ANKS6: variants seen among roughly 807,000 people sequenced by gnomAD.
The protein encoded by ANKS6 is ankyrin repeat and SAM domain-containing protein 6.
Under a neutral mutation model 77.9 loss-of-function variants are expected in ANKS6, and 47 were observed. That is an observed-to-expected ratio of 0.60 (90% CI 0.48 to 0.77). The LOEUF (loss-of-function observed/expected upper bound fraction) is 0.77. ANKS6 is among the 30% of genes least tolerant of loss of function. The pLI, the probability that ANKS6 is intolerant of heterozygous loss-of-function variation, is 0.00. For missense variants in ANKS6, 1,150 were observed against 1,159.1 expected, an observed-to-expected ratio of 0.99 and a Z score of 0.11; for synonymous variants, 488 against 501.7, an observed-to-expected ratio of 0.97 and a Z score of 0.37.
At chr9:98,775,974 A>C (rs1319316082) in intron 8 of ANKS6, among the ~76,000 whole-genome samples, 3 of 152,212 alleles carry the variant, frequency 2.0e-5, no homozygotes, top group Admixed American at 2.0e-4. Flanking sequence ...AGTTCCTGAC[A>C]CTGCTGATGC....
In ANKS6 at chr9:98,734,913, AGAGAATTTAAAGGAAAAACAC is replaced by A; in HGVS notation, c.*1585_*1605del. On this transcript the variant is annotated 3_prime_UTR_variant, in exon 15 of 15. Transcript: ENST00000353234. Reference sequence around the variant, plus strand: ...GTTGGCTTCTGTGAGTGTAAGGCTGAGAGAATTTAAAGGAAAAACACCCAACCATCAGGGCAGGGGAAGAAA... The same window carrying A: ...GTTGGCTTCTGTGAGTGTAAGGCTGACCAACCATCAGGGCAGGGGAAGAAA... 4.1e-6 allele frequency: 4 copies of A among 985,494 alleles called. No homozygotes were observed. The highest frequency in any genetic ancestry group is 4.8e-6 in the Non-Finnish European group (4 of 829,960). The allele number at this position is 985,494 out of a possible 1,614,324, so 61.0% of individuals were successfully genotyped here.
intron 1 of ANKS6, among the ~76,000 whole-genome samples, chr9:98,794,508 C>A (rs907937684): frequency 6.6e-6 from 1 of 152,210 alleles, no homozygotes; most frequent in South Asian, 2.1e-4. Flanking sequence ...AATTACGCAG[C>A]AGAAAGCTGG....
intron 9 of ANKS6, 98 bp from the exon 10 acceptor site, chr9:98,771,144 A>C: frequency 7.7e-7 from 1 of 1,301,274 alleles, no homozygotes; most frequent in South Asian, 2.4e-5. Context: ...GCTGGTGCAT[A>C]CCCCACCAAA....
At chr9:98,789,865 T>C (rs577987204) in intron 2 of ANKS6, 1 of 498,056 alleles carries the variant, frequency 2.0e-6, no homozygotes, top group Admixed American at 3.7e-5. Context: ...GCAGCCTTGT[T>C]ATAGAGGCTT....
intron 4 of ANKS6, 51 bp downstream of exon 4, chr9:98,783,902 G>C (rs1834413162): frequency 2.8e-6 from 4 of 1,446,672 alleles, no homozygotes; most frequent in South Asian, 2.9e-5. Context: ...TCCATCTCAG[G>C]CCAGAGCATC....
In ANKS6 at chr9:98,790,168, C is replaced by T. The variant is rs756949727; in HGVS notation, c.798G>A (p.Leu266=). 3 of 1,597,840 alleles carry T rather than the reference C, an allele frequency of 1.9e-6. No homozygotes were observed. Among genetic ancestry groups the T allele is most frequent in the Non-Finnish European group, 2.6e-6 (3 of 1,167,184 alleles). ...CTACAAGGTCCCTGTGCTTGCAGTC[C>T]AGTGCAACCTCGAAGGCGGTCTTCT... ...VLEKTAFEVA[L]DCKHRDLVDY... Residue 266 remains leucine, a synonymous_variant, in exon 2 of 15, where the codon CTG becomes CTA. Coordinates refer to ENST00000353234, the MANE Select transcript of ANKS6 (RefSeq NM_173551.5).
chr9:98,768,111 G>A lies in ANKS6; in HGVS notation c.2112C>T (p.Ser704=), dbSNP rs1424467421. The change falls in exon 11 of 15, where the codon TCC becomes TCT. Residue 704 remains serine, a synonymous_variant. Transcript: ENST00000353234. ...CAACAGGAGCGCTGCCACCTGCAGG[G>A]GAGGCTGGAAGCTCAGACGGGCTGG... is the stretch of plus-strand genomic sequence containing the variant. The part of the protein sequence containing the change: ...PGSSPSELPA[S]PAGGSAPVGK... The A allele has an allele frequency of 1.2e-6, 2 of 1,612,210 alleles. No individual in the cohort carries two copies. Among genetic ancestry groups the A allele is most frequent in the Non-Finnish European group, 1.7e-6 (2 of 1,179,448 alleles).
Position 98,789,953 on chromosome 9 carries a change from G to A in ANKS6, c.862+151C>T, listed in dbSNP as rs778835625. 81 of 1,193,722 alleles carry A rather than the reference G, an allele frequency of 6.8e-5. No individual in the cohort carries two copies. The Middle Eastern group carries it at 2.7e-3, about 40-fold the overall frequency. The allele number at this position is 1,193,722 out of a possible 1,614,324, so 73.9% of individuals were successfully genotyped here. On this transcript the variant is annotated intron_variant, in intron 2 of 14. Coordinates refer to ENST00000353234, the MANE Select transcript of ANKS6 (RefSeq NM_173551.5). ...CCTGCATGTCACAGGCAATCCCCCC[G>A]ATACTTAAGCACACCACTTCCTCAG...
rs766736521 is a variant in ANKS6, at chr9:98,782,447, CTT to C, written c.1219+18_1219+19del. On this transcript the variant is annotated intron_variant, in intron 5 of 14. Coordinates refer to ENST00000353234, the MANE Select transcript of ANKS6 (RefSeq NM_173551.5). ...AGAAACGCTGGGTAGATTTACAACC[CTT>C]TTCTTGAAATTACCTACCGGGATCA... 5.0e-6 allele frequency: 8 copies of C among 1,607,490 alleles called. No homozygotes were observed. The highest frequency in any genetic ancestry group is 1.3e-5 in the African/African-American group (1 of 74,782).
chr9:98,772,728 T>C (rs185537519), intron 9 of ANKS6, among the ~76,000 whole-genome samples: 1 of 152,288 alleles, frequency 6.6e-6, no homozygotes, highest in East Asian at 1.9e-4. Flanking sequence ...TCCCTCTACC[T>C]GGGACGCTGC....
At chr9:98,776,994 A>T (rs1192702933) in intron 8 of ANKS6, among the ~76,000 whole-genome samples, 1 of 152,162 alleles carries the variant, frequency 6.6e-6, no homozygotes, top group Non-Finnish European at 1.5e-5. Flanking sequence ...CTCACAGTTG[A>T]CCCTAATCCT....
At chr9:98,742,155 G>C (rs1831871136) in intron 14 of ANKS6, among the ~76,000 whole-genome samples, 1 of 152,212 alleles carries the variant, frequency 6.6e-6, no homozygotes, top group Admixed American at 6.5e-5. Flanking sequence ...TGTGTACAGA[G>C]CACTAGAGCC....
intron 2 of ANKS6, among the ~76,000 whole-genome samples, chr9:98,785,972 AG>A (rs2118142244): frequency 6.6e-6 from 1 of 152,310 alleles, no homozygotes; most frequent in Admixed American, 6.5e-5. Context: ...GCAACCAGCA[AG>A]GTAAACCCCA....
At chr9:98,751,117 A>G in intron 12 of ANKS6, 21 bp from the exon 13 acceptor site, 1 of 1,581,322 alleles carries the variant, frequency 6.3e-7, no homozygotes, top group Non-Finnish European at 8.6e-7. Context: ...GAAAGGTGAA[A>G]AAAAAACAAC....
chr9:98,769,513 G>C (rs994007742), intron 10 of ANKS6, among the ~76,000 whole-genome samples: 2 of 152,158 alleles, frequency 1.3e-5, no homozygotes, highest in East Asian at 1.9e-4. Flanking sequence ...CATACAAATG[G>C]AATACTGTTT....
chr9:98,741,962 T>G (rs1423160713), intron 14 of ANKS6, among the ~76,000 whole-genome samples: 2 of 152,238 alleles, frequency 1.3e-5, no homozygotes, highest in Admixed American at 6.5e-5. Context: ...CTGAAACATC[T>G]TGTCCCTTCT....
intron 9 of ANKS6, 118 bp from the exon 10 acceptor site, chr9:98,771,164 G>T (rs1032029455): frequency 1.9e-4 from 225 of 1,180,214 alleles, no homozygotes; most frequent in Non-Finnish European, 2.3e-4. Flanking sequence ...AGCTCGCTGT[G>T]CCCAGCATGG....
In ANKS6 at chr9:98,733,152, G is replaced by A. The variant is rs780839060; in HGVS notation, c.*3367C>T. ...CCTTTTTCATCTTTGGAGACAGAGCGTACGAGTAGGGCTGGCACAGGGTAG... is the reference window on the plus strand; with the variant it reads ...CCTTTTTCATCTTTGGAGACAGAGCATACGAGTAGGGCTGGCACAGGGTAG... On this transcript the variant is annotated 3_prime_UTR_variant, in exon 15 of 15. Transcript: ENST00000353234. The A allele has an allele frequency of 1.6e-5, 15 of 964,322 alleles. No individual in the cohort carries two copies. Among genetic ancestry groups the A allele is most frequent in the East Asian group, 1.1e-4 (1 of 8,702 alleles). 59.7% of individuals were successfully genotyped at this position (964,322 alleles called of 1,614,324 possible).
chr9:98,795,416 CT>C (rs1364222199), intron 1 of ANKS6, among the ~76,000 whole-genome samples: 1 of 152,114 alleles, frequency 6.6e-6, no homozygotes, highest in Non-Finnish European at 1.5e-5. Flanking sequence ...CCTAGGATAG[CT>C]AGCGTTTCTC....
Sources: allele counts gnomAD v4.1 joint callset (sites outside exome capture counted in the v4.1 genomes callset), GRCh38; gene constraint gnomAD v4.1.1; transcripts MANE v1.5; gene names NCBI Gene and HGNC (gene_info 2026-07-23, HGNC 2026-07-21).